The following GDAP1 variants were observed in gnomAD, a reference collection of about 807,000 sequenced individuals.
GDAP1 encodes the protein ganglioside induced differentiation associated protein 1.
A neutral mutation model predicts 40.1 loss-of-function variants in GDAP1; 34 were observed. The ratio of observed to expected loss-of-function variants is 0.85; its 90% CI spans 0.64 to 1.13. GDAP1 has a LOEUF of 1.13. Ranked by LOEUF, GDAP1 falls within the 50% of genes most tolerant of loss-of-function variation. GDAP1 has a pLI of 0.00. For missense variants in GDAP1, 374 were observed against 433.7 expected (o/e 0.86, Z 1.22); for synonymous variants, 170 against 157.4 (o/e 1.08, Z -0.60).
chr8:74,466,574 T>A (rs1268480561), intron 2 of GDAP1, among the ~76,000 whole-genome samples: 1 of 152,192 alleles, frequency 6.6e-6, no homozygotes, highest in Non-Finnish European at 1.5e-5. Context: ...ATAGATTGGA[T>A]TACAGTTGTG....
intron 2 of GDAP1, among the ~76,000 whole-genome samples, chr8:74,401,136 C>G (rs964681075): frequency 1.4e-5 from 2 of 144,852 alleles, no homozygotes; most frequent in Non-Finnish European, 3.0e-5. Context: ...TGGATAATAT[C>G]CTGCAGAGTG....
At chr8:74,438,232 C>T (rs987106444) in intron 2 of GDAP1, among the ~76,000 whole-genome samples, 2 of 151,968 alleles carry the variant, frequency 1.3e-5, no homozygotes, top group Admixed American at 6.6e-5. Context: ...ATCACACCAC[C>T]GCACTCCAGC....
At chr8:74,471,432 C>T (rs1279172632) in intron 2 of GDAP1, among the ~76,000 whole-genome samples, 1 of 136,760 alleles carries the variant, frequency 7.3e-6, no homozygotes, top group African/African-American at 2.8e-5. Flanking sequence ...TTTTCTAAAT[C>T]AGAGTAAATT....
chr8:74,426,737 A>T (rs1176008560), intron 2 of GDAP1, among the ~76,000 whole-genome samples: 1 of 152,156 alleles, frequency 6.6e-6, no homozygotes, highest in Non-Finnish European at 1.5e-5. Flanking sequence ...TTTTGAACAG[A>T]CATCTTCTTG....
intron 2 of GDAP1, among the ~76,000 whole-genome samples, chr8:74,395,988 C>T (rs1427757871): frequency 6.6e-6 from 1 of 152,118 alleles, no homozygotes; most frequent in Non-Finnish European, 1.5e-5. Context: ...GAGTAAATGT[C>T]AGAGTGTCTC....
intron 2 of GDAP1, among the ~76,000 whole-genome samples, chr8:74,446,392 T>A (rs1453785434): frequency 6.6e-6 from 1 of 152,164 alleles, no homozygotes; most frequent in African/African-American, 2.4e-5. Context: ...AATGTAGGAA[T>A]GCTGACCTGT....
intron 2 of GDAP1, among the ~76,000 whole-genome samples, chr8:74,394,718 G>T (rs561921452): frequency 6.6e-6 from 1 of 152,260 alleles, no homozygotes; most frequent in Admixed American, 6.5e-5. Flanking sequence ...GACTCAGAGA[G>T]GGTGCTGCGT....
At chr8:74,377,829 C>T (rs1809882706) in intron 2 of GDAP1, among the ~76,000 whole-genome samples, 1 of 152,206 alleles carries the variant, frequency 6.6e-6, no homozygotes, top group South Asian at 2.1e-4. Flanking sequence ...TTTCACTTCA[C>T]TGTTTATAGC....
chr8:74,461,970 A>G (rs1806407110), intron 2 of GDAP1, among the ~76,000 whole-genome samples: 1 of 152,256 alleles, frequency 6.6e-6, no homozygotes, highest in African/African-American at 2.4e-5. Flanking sequence ...CAGCAAATGA[A>G]CAATAAAAAG....
intron 2 of GDAP1, among the ~76,000 whole-genome samples, chr8:74,395,205 G>A (rs1810174720): frequency 1.3e-5 from 2 of 152,176 alleles, no homozygotes; most frequent in South Asian, 2.1e-4. Flanking sequence ...TTTTAAGCAT[G>A]TTAGTGAGTA....
At chr8:74,445,467 A>C (rs999966607) in intron 2 of GDAP1, among the ~76,000 whole-genome samples, 1 of 152,186 alleles carries the variant, frequency 6.6e-6, no homozygotes, top group African/African-American at 2.4e-5. Context: ...ATTTAAACTT[A>C]ACATATTTAG....
chr8:74,387,787 T>C (rs953797375), intron 2 of GDAP1, among the ~76,000 whole-genome samples: 1 of 152,182 alleles, frequency 6.6e-6, no homozygotes, highest in African/African-American at 2.4e-5. Context: ...CCTGGTAGAA[T>C]TCAGCTTTGA....
At chr8:74,402,131 T>A (rs1423006147) in intron 2 of GDAP1, among the ~76,000 whole-genome samples, 2 of 150,332 alleles carry the variant, frequency 1.3e-5, no homozygotes, top group Non-Finnish European at 2.9e-5. Context: ...GCTGCCTTTT[T>A]GTTTGTCTGT....
intron 2 of GDAP1, among the ~76,000 whole-genome samples, chr8:74,451,056 T>C (rs899947487): frequency 1.2e-5 from 1 of 83,430 alleles, no homozygotes; most frequent in Non-Finnish European, 2.4e-5. Flanking sequence ...GATATAGCTC[T>C]ATCTACATCC....
chr8:74,401,671 C>A (rs1810343937), intron 2 of GDAP1, among the ~76,000 whole-genome samples: 1 of 149,652 alleles, frequency 6.7e-6, no homozygotes, highest in Non-Finnish European at 1.5e-5. Context: ...GTTTTTTTCC[C>A]CATCTTTGTG....
chr8:74,445,118 A>G (rs1806211606), intron 2 of GDAP1, among the ~76,000 whole-genome samples: 1 of 152,208 alleles, frequency 6.6e-6, no homozygotes, highest in Admixed American at 6.5e-5. Flanking sequence ...GCAGCAATGA[A>G]TCATAGAATC....
intron 2 of GDAP1, among the ~76,000 whole-genome samples, chr8:74,381,747 C>T (rs1809956428): frequency 8.3e-6 from 1 of 120,092 alleles, no homozygotes; most frequent in Non-Finnish European, 1.7e-5. Context: ...CAGAGCGAAA[C>T]TCCATCTCAA....
chr8:74,466,879 A>AC (rs1258299462), intron 2 of GDAP1, among the ~76,000 whole-genome samples: 3 of 152,116 alleles, frequency 2.0e-5, no homozygotes, highest in Non-Finnish European at 4.4e-5. Context: ...AAGACAAATG[A>AC]CAGCAGATTT....
chr8:74,374,844 G>T (rs113345572), intron 2 of GDAP1, among the ~76,000 whole-genome samples: 49 of 152,274 alleles, frequency 3.2e-4, no homozygotes, highest in African/African-American at 1.2e-3. Context: ...AATTGAATTT[G>T]TAATAAAAAA....
Sources: allele counts gnomAD v4.1 joint callset (sites outside exome capture counted in the v4.1 genomes callset), GRCh38; gene constraint gnomAD v4.1.1; transcripts MANE v1.5; gene names NCBI Gene and HGNC (gene_info 2026-07-23, HGNC 2026-07-21).